Variants in RIMBP2 observed in about 807,000 individuals in gnomAD.
The protein encoded by RIMBP2 is RIMS binding protein 2.
Under a neutral mutation model 118.6 loss-of-function variants are expected in RIMBP2, and 48 were observed. That is an observed-to-expected ratio of 0.40 (90% CI 0.32 to 0.51). The LOEUF is 0.51. Among genes scored for constraint, RIMBP2 ranks in the 20% least tolerant of loss-of-function variants. The pLI is 0.41. For synonymous variants in RIMBP2, 762 were observed against 742.9 expected, an observed-to-expected ratio of 1.03 and a Z score of -0.42; for missense variants, 1,551 against 1,768.3, an observed-to-expected ratio of 0.88 and a Z score of 2.20.
intron 1 of RIMBP2, chr12:130,667,187 GAGGCAAGGAGTGAGGGAGGGAGT>G (rs2063989239): frequency 7.1e-6 from 1 of 140,430 alleles, no homozygotes; most frequent in African/African-American, 2.7e-5. Flanking sequence ...AGGAAGGGAG[GAGGCAAGGAGTGAGGGAGGGAGT>G]GAGGGAGGGA....
In RIMBP2 at chr12:130,436,855, G is replaced by A. The variant is rs866656377; in HGVS notation, c.2093C>T (p.Ala698Val). Residue 698 changes from alanine (A) to valine (V), a missense_variant, in exon 13 of 23, where the codon GCC (alanine) becomes GTC (valine). Around this residue, in one of 5 missense-constraint regions of RIMBP2, gnomAD observed 1,038 missense variants for 1,125.1 expected, o/e 0.92. Coordinates refer to ENST00000690449, the MANE Select transcript of RIMBP2 (RefSeq NM_001393629.1). ...CCCCAGCCTTACCCTGCTGCTCTCG[G>A]CCACCCTCTGCGCGGCCTCCCGGGC... The part of the protein sequence containing the change: ...AMAREAAQRV[A>V]ESSRLEKRSV... The A allele has an allele frequency of 2.0e-6, 3 of 1,482,366 alleles. No individual in the cohort carries two copies. The highest frequency in any genetic ancestry group is 5.0e-5 in the East Asian group (2 of 40,074). The allele number at this position is 1,482,366 out of a possible 1,614,324, so 91.8% of individuals were successfully genotyped here.
At chr12:130,537,025 G>A (rs1369433433) in intron 2 of RIMBP2, among the ~76,000 whole-genome samples, 2 of 152,068 alleles carry the variant, frequency 1.3e-5, no homozygotes, top group Non-Finnish European at 2.9e-5. Context: ...AAGTACCAAG[G>A]TACAATAAAC....
At chr12:130,661,223 C>T (rs1433156761) in intron 1 of RIMBP2, among the ~76,000 whole-genome samples, 1 of 152,202 alleles carries the variant, frequency 6.6e-6, no homozygotes. Flanking sequence ...TCAACTGAGT[C>T]CAGGTGATCT....
chr12:130,603,580 G>A (rs748925141), intron 2 of RIMBP2, among the ~76,000 whole-genome samples: 8 of 152,180 alleles, frequency 5.3e-5, no homozygotes, highest in Non-Finnish European at 1.2e-4. Context: ...ACTGACAGAT[G>A]GGTAAGTACA....
chr12:130,637,537 T>G (rs183978082), intron 1 of RIMBP2, among the ~76,000 whole-genome samples: 1 of 152,294 alleles, frequency 6.6e-6, no homozygotes, highest in East Asian at 1.9e-4. Flanking sequence ...TGGGAACATA[T>G]AATAAGAGTA....
chr12:130,404,033 ATC>A (rs1422664371), intron 21 of RIMBP2, among the ~76,000 whole-genome samples: 1 of 152,220 alleles, frequency 6.6e-6, no homozygotes, highest in East Asian at 1.9e-4. Flanking sequence ...AGATTTCCTT[ATC>A]TCTGTTATTC....
chr12:130,611,690 C>T (rs1039908663), intron 2 of RIMBP2, among the ~76,000 whole-genome samples: 2 of 152,286 alleles, frequency 1.3e-5, no homozygotes, highest in South Asian at 2.1e-4. Context: ...GCTCGTGTCC[C>T]GCCCCGGCAC....
At chr12:130,441,408 A>AATAATC (rs763616136) in intron 11 of RIMBP2, among the ~76,000 whole-genome samples, 19,817 of 87,014 alleles carry the variant, frequency 0.23, 1,740 homozygotes, top group Non-Finnish European at 0.33. Context: ...CTCAAATAAT[A>AATAATC]ATAATAATAA....
intron 1 of RIMBP2, among the ~76,000 whole-genome samples, chr12:130,677,411 T>C (rs2064543032): frequency 6.6e-6 from 1 of 152,046 alleles, no homozygotes; most frequent in Non-Finnish European, 1.5e-5. Context: ...GCAGATCACC[T>C]GAGGTCAGGA....
At chr12:130,629,554 T>G (rs1370361776) in intron 1 of RIMBP2, among the ~76,000 whole-genome samples, 1 of 152,184 alleles carries the variant, frequency 6.6e-6, no homozygotes, top group Non-Finnish European at 1.5e-5. Flanking sequence ...AGGACTCACA[T>G]GCAGCAGGTA....
rs184116412 is a variant in RIMBP2, at chr12:130,412,612, C to G, written c.3589+7G>C. ...ACAGGGAAGGTCGAATAGGGGTTTG[C>G]GCTTACCTATTTTCTCCACAGGTGT... On this transcript the variant is annotated splice_region_variant and intron_variant, in intron 19 of 22. Coordinates refer to ENST00000690449, the MANE Select transcript of RIMBP2 (RefSeq NM_001393629.1). The G allele has an allele frequency of 6.2e-7, 1 of 1,612,790 alleles. No individual in the cohort carries two copies. The highest frequency in any genetic ancestry group is 8.5e-7 in the Non-Finnish European group (1 of 1,179,330).
chr12:130,414,563 T>A, intron 17 of RIMBP2: 1 of 310,036 alleles, frequency 3.2e-6, no homozygotes, highest in Admixed American at 4.7e-5. Context: ...CTCGGGGGCC[T>A]CCTCAGAGAG....
At position 130,438,417 on chromosome 12, in the gene RIMBP2, A is replaced by G; in HGVS notation, c.1604T>C (p.Leu535Pro). The G allele has an allele frequency of 1.2e-6, 2 of 1,610,060 alleles. No homozygotes were observed. The highest frequency in any genetic ancestry group is 1.1e-5 in the South Asian group (1 of 90,966). ...WRPPVLTPTG[L>P]SNGANVTGYG... The stretch of plus-strand genomic sequence containing the variant: ...GCCGGTAACGTTTGCGCCATTGGAC[A>G]GCCCGGTGGGCGTCAGCACAGGTGG... Residue 535 changes from leucine to proline, a missense_variant, in exon 12 of 23, where the codon CTG (leucine) becomes CCG (proline). By Grantham distance (98) the Leu-to-Pro change is moderately conservative. This residue lies in a region of RIMBP2 where 1,038 missense variants were observed against 1,125.1 expected (regional missense o/e 0.92). Transcript: ENST00000690449.
intron 3 of RIMBP2, 28 bp from the exon 4 acceptor site, chr12:130,506,798 A>G (rs1050302486): frequency 3.0e-6 from 3 of 985,502 alleles, no homozygotes; most frequent in African/African-American, 1.7e-5. Context: ...GGAGACAAGG[A>G]GGTTATCACA....
intron 4 of RIMBP2, among the ~76,000 whole-genome samples, chr12:130,480,507 C>T (rs1367888954): frequency 6.6e-6 from 1 of 152,264 alleles, no homozygotes; most frequent in Admixed American, 6.5e-5. Flanking sequence ...GGGACCCACA[C>T]GCCTTCCTCC....
chr12:130,596,129 C>T (rs1210861826), intron 2 of RIMBP2, among the ~76,000 whole-genome samples: 2 of 152,140 alleles, frequency 1.3e-5, no homozygotes, highest in African/African-American at 2.4e-5. Flanking sequence ...AATCCACTCA[C>T]CCCGAATGTG....
chr12:130,486,779 C>T (rs538878561), intron 4 of RIMBP2, among the ~76,000 whole-genome samples: 1 of 152,082 alleles, frequency 6.6e-6, no homozygotes, highest in East Asian at 2.0e-4. Context: ...CTGCCGTTCT[C>T]TCCTGTGTCC....
chr12:130,705,767 C>T (rs2066083420), intron 1 of RIMBP2, among the ~76,000 whole-genome samples: 1 of 152,224 alleles, frequency 6.6e-6, no homozygotes, highest in Non-Finnish European at 1.5e-5. Context: ...AGGCCCAGTG[C>T]CCCAAGGCAA....
chr12:130,569,537 T>C (rs998467908), intron 2 of RIMBP2, among the ~76,000 whole-genome samples: 1 of 152,166 alleles, frequency 6.6e-6, no homozygotes, highest in African/African-American at 2.4e-5. Context: ...CCCCACCACA[T>C]CTCATGTTGA....
Sources: gnomAD v4.1 joint callset for allele counts (sites outside exome capture counted in the v4.1 genomes callset) on GRCh38, gnomAD v4.1.1 for gene constraint, gnomAD v4.1.1 regional missense constraint, MANE v1.5 for transcripts, NCBI Gene and HGNC (gene_info 2026-07-23, HGNC 2026-07-21) for gene names.